The following B3GALT1 variants were observed in gnomAD, a reference collection of about 807,000 sequenced individuals.
B3GALT1 encodes beta-1,3-galactosyltransferase 1, also known as UDP-Gal:betaGlcNAc beta 1,3-galactosyltransferase, polypeptide 1.
A neutral mutation model predicts 23.2 loss-of-function variants in B3GALT1; 10 were observed. The ratio of observed to expected loss-of-function variants is 0.43; its 90% CI spans 0.27 to 0.73. The LOEUF (loss-of-function observed/expected upper bound fraction) is 0.73. B3GALT1 is among the 30% of genes least tolerant of loss of function. The pLI, the probability that B3GALT1 is intolerant of heterozygous loss-of-function variation, is 0.21. For missense variants in B3GALT1, 299 were observed against 405.4 expected, an observed-to-expected ratio of 0.74 and a Z score of 2.25; for synonymous variants, 156 against 141.5, an observed-to-expected ratio of 1.10 and a Z score of -0.73.
intron 2 of B3GALT1, among the ~76,000 whole-genome samples, chr2:167,550,390 AT>A (rs1329272031): frequency 3.3e-5 from 5 of 152,240 alleles, no homozygotes; most frequent in African/African-American, 1.2e-4. Context: ...AACCTGTGGC[AT>A]TTTGACTAAG....
chr2:167,422,870 A>G (rs763158834), intron 1 of B3GALT1, among the ~76,000 whole-genome samples: 1 of 152,126 alleles, frequency 6.6e-6, no homozygotes, highest in Non-Finnish European at 1.5e-5. Flanking sequence ...GTCCTGGGGT[A>G]GATAATCTTT....
At chr2:167,582,296 T>C (rs1234922138) in intron 2 of B3GALT1, among the ~76,000 whole-genome samples, 1 of 152,232 alleles carries the variant, frequency 6.6e-6, no homozygotes, top group Non-Finnish European at 1.5e-5. Flanking sequence ...CGGAGTGTTG[T>C]TGTCTGCCTT....
At chr2:167,767,464 T>G (rs1162312490) in intron 3 of B3GALT1, among the ~76,000 whole-genome samples, 1 of 152,222 alleles carries the variant, frequency 6.6e-6, no homozygotes, top group African/African-American at 2.4e-5. Context: ...AGAATTCATG[T>G]TTCTCTGATT....
At chr2:167,656,313 A>G (rs1427870435) in intron 3 of B3GALT1, among the ~76,000 whole-genome samples, 1 of 152,214 alleles carries the variant, frequency 6.6e-6, no homozygotes, top group African/African-American at 2.4e-5. Flanking sequence ...ACACTTGTAG[A>G]TAATCACAAT....
intron 1 of B3GALT1, among the ~76,000 whole-genome samples, chr2:167,347,419 A>G (rs923725377): frequency 2.0e-5 from 3 of 152,198 alleles, no homozygotes; most frequent in Admixed American, 2.0e-4. Flanking sequence ...ATTCAGTTCT[A>G]TAATAATTGT....
intron 2 of B3GALT1, among the ~76,000 whole-genome samples, chr2:167,530,319 A>G (rs1481346400): frequency 2.0e-5 from 3 of 152,082 alleles, no homozygotes; most frequent in Non-Finnish European, 2.9e-5. Context: ...ATTTTTGTTT[A>G]TCTCTTTTTT....
At chr2:167,371,412 T>C (rs955954395) in intron 1 of B3GALT1, among the ~76,000 whole-genome samples, 1 of 152,184 alleles carries the variant, frequency 6.6e-6, no homozygotes, top group African/African-American at 2.4e-5. Flanking sequence ...CTACTAGTAG[T>C]AATGTGATGA....
intron 2 of B3GALT1, among the ~76,000 whole-genome samples, chr2:167,563,837 C>T (rs1426041886): frequency 1.8e-3 from 266 of 147,692 alleles, no homozygotes; most frequent in African/African-American, 6.3e-3. Flanking sequence ...AGGCTCCCCA[C>T]CTCCCAGCAG....
At chr2:167,731,792 A>G (rs373281248) in intron 3 of B3GALT1, among the ~76,000 whole-genome samples, 3 of 152,282 alleles carry the variant, frequency 2.0e-5, no homozygotes, top group African/African-American at 4.8e-5. Flanking sequence ...AGGTTGGATC[A>G]TGGACTGTCC....
At chr2:167,504,581 A>G (rs982122756) in intron 2 of B3GALT1, among the ~76,000 whole-genome samples, 2 of 152,196 alleles carry the variant, frequency 1.3e-5, no homozygotes, top group African/African-American at 2.4e-5. Context: ...GCATCCTTCA[A>G]TCTTCATTGA....
chr2:167,544,925 C>T (rs1240896559), intron 2 of B3GALT1, among the ~76,000 whole-genome samples: 1 of 150,498 alleles, frequency 6.6e-6, no homozygotes, highest in Non-Finnish European at 1.5e-5. Context: ...CCAGAGTGTG[C>T]AGCGGCAAGA....
intron 2 of B3GALT1, among the ~76,000 whole-genome samples, chr2:167,526,677 A>C (rs1174634328): frequency 2.0e-5 from 3 of 152,232 alleles, no homozygotes; most frequent in Admixed American, 6.5e-5. Context: ...GAGTGCTTAC[A>C]GAAATGTAAT....
intron 2 of B3GALT1, among the ~76,000 whole-genome samples, chr2:167,586,079 G>A (rs1482510269): frequency 6.6e-6 from 1 of 152,136 alleles, no homozygotes; most frequent in African/African-American, 2.4e-5. Context: ...TATTCACTTA[G>A]TAAACACTAA....
At chr2:167,319,104 T>C (rs1394316805) in intron 1 of B3GALT1, among the ~76,000 whole-genome samples, 1 of 152,150 alleles carries the variant, frequency 6.6e-6, no homozygotes, top group Non-Finnish European at 1.5e-5. Context: ...AGATGGTTTT[T>C]AGGACTCTTT....
chr2:167,514,807 A>ATAAT (rs1353254156), intron 2 of B3GALT1, among the ~76,000 whole-genome samples: 9 of 152,332 alleles, frequency 5.9e-5, no homozygotes, highest in African/African-American at 2.2e-4. Flanking sequence ...CATGAAAATA[A>ATAAT]TAATTAGGTT....
chr2:167,460,498 A>T (rs1574088844), intron 1 of B3GALT1, among the ~76,000 whole-genome samples: 1 of 151,704 alleles, frequency 6.6e-6, no homozygotes, highest in East Asian at 1.9e-4. Context: ...CATTTTCTTC[A>T]TACATGATTT....
chr2:167,669,751 A>G (rs1212245998), intron 3 of B3GALT1, among the ~76,000 whole-genome samples: 1 of 152,178 alleles, frequency 6.6e-6, no homozygotes, highest in Admixed American at 6.6e-5. Context: ...TAGATGATAT[A>G]TATAAGAGAG....
In B3GALT1 at chr2:167,459,078, G is replaced by A. The variant is rs186360313; in HGVS notation, c.-510-31099G>A. Among the ~76,000 whole-genome samples, 505 of 152,208 alleles carry A rather than the reference G, an allele frequency of 3.3e-3. 6 individuals carry two copies. Among genetic ancestry groups the A allele is most frequent in the African/African-American group, 0.012 (480 of 41,558 alleles). Reference sequence around the variant, plus strand: ...GTTTTCATTTATTCAGCTAATCTCTGTCTTTTGACTGATATTATTTCATTT... The same window carrying A: ...GTTTTCATTTATTCAGCTAATCTCTATCTTTTGACTGATATTATTTCATTT... On this transcript the variant is annotated intron_variant, in intron 1 of 4. Coordinates refer to ENST00000392690, the MANE Select transcript of B3GALT1 (RefSeq NM_020981.4).
intron 2 of B3GALT1, among the ~76,000 whole-genome samples, chr2:167,580,428 C>T (rs1254109010): frequency 6.6e-6 from 1 of 152,002 alleles, no homozygotes; most frequent in Admixed American, 6.6e-5. Flanking sequence ...AAATACCAAT[C>T]CTCCTTTAAA....
Sources: gnomAD v4.1 joint callset for allele counts (sites outside exome capture counted in the v4.1 genomes callset) on GRCh38, gnomAD v4.1.1 for gene constraint, MANE v1.5 for transcripts, NCBI Gene and HGNC (gene_info 2026-07-23, HGNC 2026-07-21) for gene names.